The following KNG1 variants were observed in gnomAD, a reference collection of about 807,000 sequenced individuals.
KNG1 encodes kininogen-1.
In KNG1, 23 loss-of-function variants were observed where a neutral mutation model predicts 47.8. That is an observed-to-expected ratio of 0.48 (90% CI 0.35 to 0.68). The LOEUF is 0.68. Among genes scored for constraint, KNG1 ranks in the 30% least tolerant of loss-of-function variants. The probability of loss-of-function intolerance (pLI) is 0.01; values close to 1 mark genes in which losing one functional copy is unlikely to be tolerated. For synonymous variants in KNG1, 277 were observed against 277.0 expected, an observed-to-expected ratio of 1.00 and a Z score of 0.00; for missense variants, 762 against 790.2, an observed-to-expected ratio of 0.96 and a Z score of 0.43.
At position 186,725,543 on chromosome 3, in the gene KNG1, A is replaced by ATTTTTTTTTTTT. The variant is rs71167003; in HGVS notation, c.564+291_564+302dup. Among the ~76,000 whole-genome samples, 36 of 87,720 alleles carry ATTTTTTTTTTTT rather than the reference A, an allele frequency of 4.1e-4. 5 individuals carry two copies. Among genetic ancestry groups the ATTTTTTTTTTTT allele is most frequent in the African/African-American group, 8.8e-4 (19 of 21,500 alleles). 57.5% of individuals were successfully genotyped at this position (87,720 alleles called of 152,430 possible). ...AAGGAAAAGTCATACCGGCCTTAGG[A>ATTTTTTTTTTTT]TTTTTTTTTTTTTTTTTTTGAGACA... On this transcript the variant is annotated intron_variant, in intron 4 of 9. Coordinates refer to ENST00000644859, the MANE Select transcript of KNG1 (RefSeq NM_001102416.3).
chr3:186,735,333 A>G (rs1440168101), intron 7 of KNG1, among the ~76,000 whole-genome samples: 1 of 152,042 alleles, frequency 6.6e-6, no homozygotes, highest in African/African-American at 2.4e-5. Context: ...AAAAAGAATT[A>G]AAGGCCAGGC....
Position 186,739,215 on chromosome 3 carries a change from T to A in KNG1, c.1038+9T>A. The A allele has an allele frequency of 1.2e-6, 2 of 1,602,262 alleles. No homozygotes were observed. Among genetic ancestry groups the A allele is most frequent in the Non-Finnish European group, 1.7e-6 (2 of 1,169,266 alleles). On this transcript the variant is annotated intron_variant, in intron 8 of 9. Transcript: ENST00000644859. Reference sequence around the variant, plus strand: ...AGACCAAAAAACTTGGCGTGAGTAGTCATGCACCTGTCTACTTTTTCACTG... The same window carrying A: ...AGACCAAAAAACTTGGCGTGAGTAGACATGCACCTGTCTACTTTTTCACTG...
intron 7 of KNG1, among the ~76,000 whole-genome samples, chr3:186,733,044 A>G (rs929093484): frequency 2.0e-5 from 3 of 152,246 alleles, no homozygotes; most frequent in Admixed American, 6.5e-5. Flanking sequence ...TCAAGAGATC[A>G]AGACCATCCT....
intron 6 of KNG1, 95 bp from the exon 7 acceptor site, chr3:186,732,407 C>T (rs1306837513): frequency 8.4e-7 from 1 of 1,184,842 alleles, no homozygotes; most frequent in South Asian, 1.2e-5. Flanking sequence ...CCATGTAGCC[C>T]CTTATACATG....
intron 6 of KNG1, among the ~76,000 whole-genome samples, chr3:186,732,124 C>A (rs1720550963): frequency 6.6e-6 from 1 of 152,190 alleles, no homozygotes; most frequent in African/African-American, 2.4e-5. Context: ...TGTATGCGTT[C>A]CATGAGTAGT....
In KNG1 at chr3:186,743,614, GA is replaced by G; in HGVS notation, c.*1288del. 1 of 922,602 alleles carries G rather than the reference GA, an allele frequency of 1.1e-6. No individual in the cohort carries two copies. The highest frequency in any genetic ancestry group is 1.8e-6 in the Non-Finnish European group (1 of 567,976). 57.2% of individuals were successfully genotyped at this position (922,602 alleles called of 1,614,324 possible). On this transcript the variant is annotated 3_prime_UTR_variant, in exon 10 of 10. Coordinates refer to ENST00000644859, the MANE Select transcript of KNG1 (RefSeq NM_001102416.3). ...TTAAATAAACAACCACAGATGTCAG[GA>G]AAAAGTCTTACCTTGTCAACTGGTT... is the stretch of plus-strand genomic sequence containing the variant.
chr3:186,744,117 T>C lies in KNG1; in HGVS notation c.*1786T>C. ...GGGACTTCCTTACCACCACGGGTGC[T>C]AAAAGAAGAGTTAGTAGGTCATGCT... On this transcript the variant is annotated 3_prime_UTR_variant, in exon 10 of 10. Coordinates refer to ENST00000644859, the MANE Select transcript of KNG1 (RefSeq NM_001102416.3). 2.7e-6 allele frequency: 1 copy of C among 369,266 alleles called. No individual in the cohort carries two copies. The highest frequency in any genetic ancestry group is 2.9e-5 in the South Asian group (1 of 34,748). 22.9% of individuals were successfully genotyped at this position (369,266 alleles called of 1,614,324 possible). A position where few individuals can be genotyped will look rare whatever the true frequency, so the allele number is the denominator to read the frequency against.
chr3:186,741,370 A>G, intron 9 of KNG1, 152 bp from the exon 10 acceptor site: 1 of 654,278 alleles, frequency 1.5e-6, no homozygotes, highest in South Asian at 2.3e-5. Context: ...AAAATTATTC[A>G]TCCTTTCTGG....
At chr3:186,726,476 G>A (rs1720376883) in intron 4 of KNG1, among the ~76,000 whole-genome samples, 1 of 150,578 alleles carries the variant, frequency 6.6e-6, no homozygotes, top group Non-Finnish European at 1.5e-5. Flanking sequence ...TTTTGGTAGA[G>A]ACAAGGTTTC....
chr3:186,731,643 C>T lies in KNG1; in HGVS notation c.757+14C>T, dbSNP rs1720537080. 2 of 1,495,558 alleles carry T rather than the reference C, an allele frequency of 1.3e-6. No homozygotes were observed. Among genetic ancestry groups the T allele is most frequent in the Non-Finnish European group, 1.9e-6 (2 of 1,072,058 alleles). 92.6% of individuals were successfully genotyped at this position (1,495,558 alleles called of 1,614,324 possible). On this transcript the variant is annotated intron_variant, in intron 6 of 9. Transcript: ENST00000644859. ...ACATTTATCCAGGTAAGGAATAACA[C>T]ATGTTGGCACCGCAATAGAGGAATA...
chr3:186,718,780 C>T (rs753833027), intron 1 of KNG1, among the ~76,000 whole-genome samples: 12 of 152,036 alleles, frequency 7.9e-5, no homozygotes, highest in Non-Finnish European at 1.5e-4. Flanking sequence ...TGTGATTCTA[C>T]GGAATTAGAC....
chr3:186,723,961 T>A (rs1720278492), intron 3 of KNG1, among the ~76,000 whole-genome samples: 1 of 152,088 alleles, frequency 6.6e-6, no homozygotes, highest in African/African-American at 2.4e-5. Context: ...GTCCCCCACA[T>A]TTTCTTTATT....
intron 1 of KNG1, among the ~76,000 whole-genome samples, chr3:186,719,728 C>CA (rs398063105): frequency 0.17 from 20,697 of 119,098 alleles, 2,164 homozygotes; most frequent in African/African-American, 0.34. Context: ...GACTCCATCT[C>CA]AAAAAAAAAA....
Position 186,725,128 on chromosome 3 carries a change from C to CT in KNG1, c.433dup (p.Cys145LeufsTer24), listed in dbSNP as rs1394269831. 1.2e-6 allele frequency: 2 copies of CT among 1,614,006 alleles called. No individual in the cohort carries two copies. The highest frequency in any genetic ancestry group is 1.7e-6 in the Non-Finnish European group (2 of 1,180,048). Reference sequence around the variant, plus strand: ...TGACAGCCCAGTACGACTGCCTCGGCTGTGTGCATCCTATATCAACGCAGA... The same window carrying CT: ...TGACAGCCCAGTACGACTGCCTCGGCTTGTGTGCATCCTATATCAACGCAGA... On this transcript the variant is annotated frameshift_variant, in exon 4 of 10. Transcript: ENST00000644859. LOFTEE classifies it high-confidence loss of function.
chr3:186,734,213 G>A (rs1439546340), intron 7 of KNG1, among the ~76,000 whole-genome samples: 1 of 152,174 alleles, frequency 6.6e-6, no homozygotes, highest in Non-Finnish European at 1.5e-5. Context: ...TAAAGTAGGA[G>A]TCTTTATATA....
In KNG1 at chr3:186,720,237, G is replaced by A. The variant is rs557931169; in HGVS notation, c.306+22G>A. On this transcript the variant is annotated intron_variant, in intron 2 of 9. Coordinates refer to ENST00000644859, the MANE Select transcript of KNG1 (RefSeq NM_001102416.3). ...AGCAGTAAGTGTATTGGCCATTCTT[G>A]GGCCTTCTGTTTTCTCCGTTGACCC... 27 of 1,511,194 alleles carry A rather than the reference G, an allele frequency of 1.8e-5. No homozygotes were observed. In the South Asian group the frequency reaches 3.0e-4, roughly 17 times the overall value. The allele number at this position is 1,511,194 out of a possible 1,614,324, so 93.6% of individuals were successfully genotyped here.
intron 9 of KNG1, among the ~76,000 whole-genome samples, chr3:186,741,081 C>A (rs1051256294): frequency 6.6e-6 from 1 of 151,978 alleles, no homozygotes; most frequent in East Asian, 1.9e-4. Context: ...GCAACCTCCA[C>A]GTCCTGGGTT....
rs1396227479 is a variant in KNG1, at chr3:186,741,827, C to A, written c.1431C>A (p.Phe477Leu). The change falls in exon 10 of 10, where the codon TTC (phenylalanine) becomes TTA (leucine). Residue 477 changes from phenylalanine to leucine, a missense_variant. Transcript: ENST00000644859. Reference sequence around the variant, plus strand: ...ATGGTCTTGGTCATGGACATAAGTTCAAACTTGATGATGATCTTGAACACC... The same window carrying A: ...ATGGTCTTGGTCATGGACATAAGTTAAAACTTGATGATGATCTTGAACACC... Reference protein sequence around the residue: ...QQHGLGHGHKFKLDDDLEHQG... With the variant: ...QQHGLGHGHKLKLDDDLEHQG... 6.2e-7 allele frequency: 1 copy of A among 1,613,558 alleles called. No individual in the cohort carries two copies. Among genetic ancestry groups the A allele is most frequent in the Admixed American group, 1.7e-5 (1 of 59,900 alleles).
At chr3:186,725,543 ATTTTTT>A (rs71167003) in intron 4 of KNG1, among the ~76,000 whole-genome samples, 18 of 87,724 alleles carry the variant, frequency 2.1e-4, no homozygotes, top group African/African-American at 7.4e-4. Context: ...CGGCCTTAGG[ATTTTTT>A]TTTTTTTTTT....
Sources: gnomAD v4.1 joint callset for allele counts (sites outside exome capture counted in the v4.1 genomes callset) on GRCh38, gnomAD v4.1.1 for gene constraint, MANE v1.5 for transcripts, NCBI Gene and HGNC (gene_info 2026-07-23, HGNC 2026-07-21) for gene names.